AGAP1: variants seen among roughly 807,000 people sequenced by gnomAD.
AGAP1 encodes the protein ArfGAP with GTPase domain, ankyrin repeat and PH domain 1.
In AGAP1, 29 loss-of-function variants were observed where a neutral mutation model predicts 105.3. The ratio of observed to expected loss-of-function variants is 0.28; its 90% CI spans 0.21 to 0.38. The LOEUF (loss-of-function observed/expected upper bound fraction) is 0.38, where lower values mean the gene tolerates loss of function less well. Ranked by LOEUF, AGAP1 falls within the 10% of genes least tolerant of loss-of-function variation. AGAP1 has a pLI of 1.00. For synonymous variants in AGAP1, 509 were observed against 485.9 expected (o/e 1.05, Z -0.63); for missense variants, 998 against 1,165.1 (o/e 0.86, Z 2.09).
At chr2:236,077,138 AAAAAAT>A (rs1233250657) in intron 16 of AGAP1, among the ~76,000 whole-genome samples, 518 of 139,266 alleles carry the variant, frequency 3.7e-3, no homozygotes, top group African/African-American at 4.7e-3. Context: ...AAAAAAAAAA[AAAAAAT>A]ATATATATAT....
Position 235,610,892 on chromosome 2 carries a change from C to T in AGAP1, c.164-98287C>T, listed in dbSNP as rs111842541. ...TCATTCTTGTCCTGTAGCCCAGTTT[C>T]GTTTCACCTGTCCTCTGCCTGTAAT... On this transcript the variant is annotated intron_variant, in intron 1 of 17. Coordinates refer to ENST00000304032, the MANE Select transcript of AGAP1 (RefSeq NM_001037131.3). This position sits in a 1 kb window ranked among gnomAD's most constrained non-coding sequence, Gnocchi z 4.9. 1.6e-4 allele frequency among the ~76,000 whole-genome samples: 25 copies of T among 152,192 alleles called. No individual in the cohort carries two copies. Among genetic ancestry groups the T allele is most frequent in the African/African-American group, 5.5e-4 (23 of 41,512 alleles).
intron 12 of AGAP1, among the ~76,000 whole-genome samples, chr2:235,941,837 G>C (rs761079841): frequency 9.6e-6 from 1 of 104,156 alleles, no homozygotes; most frequent in Non-Finnish European, 1.9e-5. Flanking sequence ...TGCGGCTATG[G>C]AGCTTTGTTG....
intron 6 of AGAP1, among the ~76,000 whole-genome samples, chr2:235,795,544 T>G (rs942141072): frequency 3.0e-4 from 45 of 152,166 alleles, no homozygotes; most frequent in Admixed American, 3.0e-3. Context: ...CCCTGTAGTT[T>G]TAAAGCATTC....
intron 1 of AGAP1, among the ~76,000 whole-genome samples, chr2:235,499,046 T>C (rs1394705688): frequency 6.6e-6 from 1 of 152,170 alleles, no homozygotes; most frequent in Non-Finnish European, 1.5e-5. Flanking sequence ...CTGAGGTGCA[T>C]CATCTCAGTT....
rs760117989 is a variant in AGAP1 at position 235,717,602 on chromosome 2, C to A, written c.268C>A (p.Arg90=). Reference sequence around the variant, plus strand: ...CAGCGGCAAGTCTGCCCTGGTGCACCGGTACCTGACGGGCACATATGTCCA... The same window carrying A: ...CAGCGGCAAGTCTGCCCTGGTGCACAGGTACCTGACGGGCACATATGTCCA... ...LASGKSALVH[R]YLTGTYVQEE... is the part of the protein sequence containing the mutation. The change falls in exon 3 of 18, where the codon CGG becomes AGG. Residue 90 remains arginine (R), a synonymous_variant. Coordinates refer to ENST00000304032, the MANE Select transcript of AGAP1 (RefSeq NM_001037131.3). 4.4e-6 allele frequency: 7 copies of A among 1,604,010 alleles called. No individual in the cohort carries two copies. Among genetic ancestry groups the A allele is most frequent in the Non-Finnish European group, 5.1e-6 (6 of 1,177,812 alleles).
intron 1 of AGAP1, among the ~76,000 whole-genome samples, chr2:235,636,456 A>G (rs1384542406): frequency 1.3e-5 from 2 of 152,198 alleles, no homozygotes; most frequent in Non-Finnish European, 2.9e-5. Context: ...GCCTGTGGAA[A>G]GGGAAGTTGG....
rs2057670850 is a variant in AGAP1 at position 236,044,905 on chromosome 2, C to T, written c.1891+4064C>T. 1.3e-5 allele frequency among the ~76,000 whole-genome samples: 2 copies of T among 152,008 alleles called. No homozygotes were observed. The highest frequency in any genetic ancestry group is 2.4e-5 in the African/African-American group (1 of 41,392). On this transcript the variant is annotated intron_variant, in intron 15 of 17. Transcript: ENST00000304032. The surrounding 1 kb of genome is among the most constrained non-coding windows in gnomAD (Gnocchi z 5.7). ...GGGGCGGGTTGAGATGGGGTCTCGC[C>T]CTATAGCCCAGGATGGAGTGCAGCA...
At chr2:235,717,753 A>G in intron 3 of AGAP1, 109 bp downstream of exon 3, 1 of 924,288 alleles carries the variant, frequency 1.1e-6, no homozygotes, top group Non-Finnish European at 1.6e-6. Context: ...AGAAAGCAAT[A>G]AAACATACCA....
Position 235,599,909 on chromosome 2 carries a change from T to A in AGAP1, c.163+105060T>A, listed in dbSNP as rs1279130413. On this transcript the variant is annotated intron_variant, in intron 1 of 17. Coordinates refer to ENST00000304032, the MANE Select transcript of AGAP1 (RefSeq NM_001037131.3). The surrounding 1 kb of genome is among the most constrained non-coding windows in gnomAD (Gnocchi z 5.3). Reference sequence around the variant, plus strand: ...CCTGAAGGATGAGGAAAATAATTTCTGAGAAACTGACTCAGGGAAGTGCCT... The same window carrying A: ...CCTGAAGGATGAGGAAAATAATTTCAGAGAAACTGACTCAGGGAAGTGCCT... Among the ~76,000 whole-genome samples the A allele has an allele frequency of 1.3e-5, 2 of 152,338 alleles. No individual in the cohort carries two copies. Among genetic ancestry groups the A allele is most frequent in the East Asian group, 3.9e-4 (2 of 5,182 alleles).
chr2:235,748,543 TG>T (rs932075876), intron 5 of AGAP1, among the ~76,000 whole-genome samples: 10 of 152,198 alleles, frequency 6.6e-5, no homozygotes, highest in Admixed American at 3.3e-4. Context: ...GTGCAGCCTA[TG>T]GAGGCTGTAG....
chr2:235,802,908 G>GAT, intron 8 of AGAP1, among the ~76,000 whole-genome samples: 1 of 146,764 alleles, frequency 6.8e-6, no homozygotes, highest in African/African-American at 2.5e-5. Context: ...TGGTTGTGAT[G>GAT]GTGTGATGGT....
chr2:235,861,231 T>C (rs1401629439), intron 9 of AGAP1, among the ~76,000 whole-genome samples: 3 of 152,222 alleles, frequency 2.0e-5, no homozygotes, highest in Non-Finnish European at 4.4e-5. Flanking sequence ...TTAAATGTGA[T>C]GAATCAGAGG....
chr2:235,623,312 A>G lies in AGAP1; in HGVS notation c.164-85867A>G, dbSNP rs539786463. Among the ~76,000 whole-genome samples the G allele has an allele frequency of 2.0e-5, 3 of 152,340 alleles. No homozygotes were observed. The highest frequency in any genetic ancestry group is 2.9e-5 in the Non-Finnish European group (2 of 68,036). Reference sequence around the variant, plus strand: ...GGCATGTCAAATGAATCTGGGCGTTAGCCTACAAATCAAGATTTGCTTTGC... The same window carrying G: ...GGCATGTCAAATGAATCTGGGCGTTGGCCTACAAATCAAGATTTGCTTTGC... On this transcript the variant is annotated intron_variant, in intron 1 of 17. Coordinates refer to ENST00000304032, the MANE Select transcript of AGAP1 (RefSeq NM_001037131.3). The surrounding 1 kb of genome is among the most constrained non-coding windows in gnomAD (Gnocchi z 4.5).
At chr2:235,558,931 T>C (rs1051719737) in intron 1 of AGAP1, among the ~76,000 whole-genome samples, 2 of 148,144 alleles carry the variant, frequency 1.4e-5, no homozygotes, top group East Asian at 3.9e-4. Context: ...TCATTGAAGA[T>C]TTTTTTTTTT....
At chr2:236,004,944 A>G (rs1429670294) in intron 13 of AGAP1, among the ~76,000 whole-genome samples, 2 of 152,204 alleles carry the variant, frequency 1.3e-5, no homozygotes, top group South Asian at 2.1e-4. Flanking sequence ...ATTTTATTCT[A>G]TGGAAACAAC....
intron 1 of AGAP1, among the ~76,000 whole-genome samples, chr2:235,627,638 C>T (rs1349152303): frequency 6.6e-6 from 1 of 152,138 alleles, no homozygotes; most frequent in Non-Finnish European, 1.5e-5. Flanking sequence ...GAAGCAGCAG[C>T]ATCTGTTGAT....
intron 11 of AGAP1, among the ~76,000 whole-genome samples, chr2:235,929,061 A>G (rs1388704394): frequency 6.6e-6 from 1 of 152,164 alleles, no homozygotes; most frequent in Non-Finnish European, 1.5e-5. Context: ...GCTTGGGGGC[A>G]TGAGAAACGG....
rs554824265 is a variant in AGAP1 at position 235,739,018 on chromosome 2, C to T, written c.311-1945C>T. Reference sequence around the variant, plus strand: ...AAGCAGGCTTATTCAATGTTAAATACGACTTTTATTAAAGCAGGTTAAAAG... The same window carrying T: ...AAGCAGGCTTATTCAATGTTAAATATGACTTTTATTAAAGCAGGTTAAAAG... On this transcript the variant is annotated intron_variant, in intron 3 of 17. Transcript: ENST00000304032. The surrounding 1 kb of genome is among the most constrained non-coding windows in gnomAD (Gnocchi z 5.3). 3.9e-5 allele frequency among the ~76,000 whole-genome samples: 6 copies of T among 152,278 alleles called. No homozygotes were observed. The highest frequency in any genetic ancestry group is 2.1e-4 in the South Asian group (1 of 4,820).
At chr2:235,800,127 G>A (rs1011015299) in intron 8 of AGAP1, among the ~76,000 whole-genome samples, 1 of 147,014 alleles carries the variant, frequency 6.8e-6, no homozygotes, top group African/African-American at 2.5e-5. Flanking sequence ...TTTCTTTTGA[G>A]ACAGGGTCTC....
Sources: allele counts gnomAD v4.1 joint callset (sites outside exome capture counted in the v4.1 genomes callset), GRCh38; gene constraint gnomAD v4.1.1; non-coding constraint Gnocchi (gnomAD v3.1); transcripts MANE v1.5; gene names NCBI Gene and HGNC (gene_info 2026-07-23, HGNC 2026-07-21).